PRRX2: variants seen among roughly 807,000 people sequenced by gnomAD.
PRRX2 encodes paired mesoderm homeobox protein 2.
In PRRX2, 11 loss-of-function variants were observed where a neutral mutation model predicts 18.0. The observed-to-expected ratio is 0.61, with a 90% CI of 0.39 to 1.01. PRRX2 has a LOEUF of 1.01. Ranked by LOEUF, PRRX2 falls within the 50% of genes least tolerant of loss-of-function variation. PRRX2 has a pLI of 0.01. For missense variants in PRRX2, 387 were observed against 351.0 expected (o/e 1.10, Z -0.82); for synonymous variants, 177 against 154.8 (o/e 1.14, Z -1.06).
intron 3 of PRRX2, 113 bp downstream of exon 3, chr9:129,720,887 GC>G: frequency 2.5e-6 from 3 of 1,221,498 alleles, no homozygotes; most frequent in Middle Eastern, 4.0e-4. Context: ...GTGTCCACGC[GC>G]CCCTGGGATC....
intron 1 of PRRX2, among the ~76,000 whole-genome samples, chr9:129,697,846 C>A (rs992385135): frequency 2.0e-5 from 3 of 152,030 alleles, no homozygotes; most frequent in South Asian, 2.1e-4. Context: ...AGTTTGTTTT[C>A]CTAAGTTTGT....
intron 1 of PRRX2, among the ~76,000 whole-genome samples, chr9:129,701,263 A>G (rs571867388): frequency 6.6e-6 from 1 of 152,358 alleles, no homozygotes; most frequent in Admixed American, 6.5e-5. Flanking sequence ...TGTCGCTCAC[A>G]GCGGGAAGCA....
chr9:129,722,276 C>T lies in PRRX2; in HGVS notation c.686C>T (p.Ala229Val). ...CCCGCAACCCCAGGGGTCAACATGG[C>T]CAACAGCATCGCCAGCCTCCGTCTC... ...SGPATPGVNM[A>V]NSIASLRLKA... The change falls in exon 4 of 4, where the codon GCC becomes GTC. Residue 229 changes from alanine to valine, a missense_variant. Coordinates refer to ENST00000372469, the MANE Select transcript of PRRX2 (RefSeq NM_016307.4). 1 of 1,614,024 alleles carries T rather than the reference C, an allele frequency of 6.2e-7. No homozygotes were observed. Among genetic ancestry groups the T allele is most frequent in the South Asian group, 1.1e-5 (1 of 91,082 alleles).
In PRRX2 at chr9:129,687,984, C is replaced by T. The variant is rs189500248; in HGVS notation, c.259+21858C>T. 1.9e-3 allele frequency among the ~76,000 whole-genome samples: 286 copies of T among 152,330 alleles called. 1 individual carries two copies. Among genetic ancestry groups the T allele is most frequent in the African/African-American group, 6.5e-3 (270 of 41,568 alleles). ...AATCACTGCTCACCGCAGCCTTGAC[C>T]TCCTGGGCTCAAGCGGTCCTCCTGC... is the stretch of plus-strand genomic sequence containing the variant. On this transcript the variant is annotated intron_variant, in intron 1 of 3. Coordinates refer to ENST00000372469, the MANE Select transcript of PRRX2 (RefSeq NM_016307.4).
Position 129,719,432 on chromosome 9 carries a change from C to T in PRRX2, c.447+14C>T. The T allele has an allele frequency of 2.0e-6, 3 of 1,498,278 alleles. No homozygotes were observed. The highest frequency in any genetic ancestry group is 2.7e-6 in the Non-Finnish European group (3 of 1,122,148). 92.8% of individuals were successfully genotyped at this position (1,498,278 alleles called of 1,614,324 possible). A position where few individuals can be genotyped will look rare whatever the true frequency, so the allele number is the denominator to read the frequency against. On this transcript the variant is annotated intron_variant, in intron 2 of 3. Coordinates refer to ENST00000372469, the MANE Select transcript of PRRX2 (RefSeq NM_016307.4). ...GCGCGCGTTCAGGTGAGCGCTCAGTCCCGGGCCTCCCGTGGGAGCGTGCGC... is the reference window on the plus strand; with the variant it reads ...GCGCGCGTTCAGGTGAGCGCTCAGTTCCGGGCCTCCCGTGGGAGCGTGCGC...
In PRRX2 at chr9:129,722,202, T is replaced by C. The variant is rs1832801712; in HGVS notation, c.627-15T>C. 5 of 1,611,106 alleles carry C rather than the reference T, an allele frequency of 3.1e-6. No homozygotes were observed. In the Admixed American group the frequency reaches 5.0e-5, roughly 16 times the overall value. The stretch of plus-strand genomic sequence containing the variant: ...CAACCGCACCCATGTGACCTGTGTC[T>C]CATGTCGCCCCCAGCACAGTGCCAC... On this transcript the variant is annotated splice_polypyrimidine_tract_variant and intron_variant, in intron 3 of 3. Transcript: ENST00000372469.
chr9:129,691,672 T>C (rs972000119), intron 1 of PRRX2, among the ~76,000 whole-genome samples: 16 of 149,250 alleles, frequency 1.1e-4, no homozygotes, highest in Non-Finnish European at 1.8e-4. Flanking sequence ...TTTTCCCTTT[T>C]TAAATATACT....
intron 1 of PRRX2, among the ~76,000 whole-genome samples, chr9:129,668,102 C>T (rs2119045789): frequency 6.6e-6 from 1 of 152,292 alleles, no homozygotes; most frequent in South Asian, 2.1e-4. Context: ...AGTCCCTGGG[C>T]TCCGCCCGGG....
rs1276837878 is a variant in PRRX2 at position 129,666,086 on chromosome 9, G to T, written c.219G>T (p.Pro73=). The T allele has an allele frequency of 1.1e-5, 11 of 1,035,432 alleles. No individual in the cohort carries two copies. In the East Asian group the frequency reaches 8.4e-4, roughly 79 times the overall value. 64.1% of individuals were successfully genotyped at this position (1,035,432 alleles called of 1,614,324 possible). ...CGCGGGAGGGCGCAGCACGGGAGCC[G>T]TCCGGGGGCAGCAGCGGCAGCGAGG... ...AEAREGAARE[P]SGGSSGSEAA... Residue 73 remains proline (P), a synonymous_variant, in exon 1 of 4, where the codon CCG becomes CCT. Transcript: ENST00000372469.
At chr9:129,721,423 C>A (rs1213835000) in intron 3 of PRRX2, among the ~76,000 whole-genome samples, 1 of 152,098 alleles carries the variant, frequency 6.6e-6, no homozygotes, top group South Asian at 2.1e-4. Flanking sequence ...GCCGTCTGCT[C>A]CTTGGGCTGT....
chr9:129,686,659 C>T (rs903274864), intron 1 of PRRX2, among the ~76,000 whole-genome samples: 5 of 152,200 alleles, frequency 3.3e-5, no homozygotes, highest in Non-Finnish European at 2.9e-5. Context: ...TTACAGGCTA[C>T]AGCCACCACA....
At chr9:129,687,518 A>G (rs535032508) in intron 1 of PRRX2, among the ~76,000 whole-genome samples, 1 of 152,160 alleles carries the variant, frequency 6.6e-6, no homozygotes, top group Non-Finnish European at 1.5e-5. Flanking sequence ...ACCGTCACTA[A>G]CTCAACTTGC....
chr9:129,696,379 A>G (rs1208744047), intron 1 of PRRX2, among the ~76,000 whole-genome samples: 1 of 152,204 alleles, frequency 6.6e-6, no homozygotes, highest in East Asian at 1.9e-4. Flanking sequence ...GTTAGGCACC[A>G]GCCTGGGCAA....
chr9:129,704,329 G>A (rs189846346), intron 1 of PRRX2, among the ~76,000 whole-genome samples: 252 of 152,338 alleles, frequency 1.7e-3, no homozygotes, highest in Non-Finnish European at 3.1e-3. Flanking sequence ...AGCCACCTGA[G>A]AGGGAGGGAG....
At chr9:129,670,413 T>C (rs1832085441) in intron 1 of PRRX2, among the ~76,000 whole-genome samples, 1 of 152,176 alleles carries the variant, frequency 6.6e-6, no homozygotes, top group African/African-American at 2.4e-5. Context: ...CTTGCTCCAT[T>C]GACCGGGTTG....
In PRRX2 at chr9:129,688,355, G is replaced by A. The variant is rs143765663; in HGVS notation, c.259+22229G>A. The stretch of plus-strand genomic sequence containing the variant: ...GCTGGGATTATAGGTGTGAGTCACC[G>A]TGCCCGGTCAAGAAATGGCTTTGAG... On this transcript the variant is annotated intron_variant, in intron 1 of 3. Coordinates refer to ENST00000372469, the MANE Select transcript of PRRX2 (RefSeq NM_016307.4). Among the ~76,000 whole-genome samples, 1,275 of 152,186 alleles carry A rather than the reference G, an allele frequency of 8.4e-3. 5 individuals are homozygous for A. The highest frequency in any genetic ancestry group is 0.02 in the Middle Eastern group (6 of 294).
At chr9:129,685,755 T>C (rs1440157423) in intron 1 of PRRX2, among the ~76,000 whole-genome samples, 4 of 152,230 alleles carry the variant, frequency 2.6e-5, no homozygotes, top group Non-Finnish European at 5.9e-5. Flanking sequence ...CCCAAAGACT[T>C]AAGGGCGTGG....
At chr9:129,703,782 GAGCA>G (rs1226313556) in intron 1 of PRRX2, among the ~76,000 whole-genome samples, 3 of 152,142 alleles carry the variant, frequency 2.0e-5, no homozygotes, top group Non-Finnish European at 2.9e-5. Context: ...GAGCTTTGCC[GAGCA>G]AGGCTCAGAC....
chr9:129,683,001 G>A (rs753411360), intron 1 of PRRX2, among the ~76,000 whole-genome samples: 6 of 152,032 alleles, frequency 3.9e-5, no homozygotes, highest in African/African-American at 4.8e-5. Flanking sequence ...CCAGCTACTC[G>A]GGAGGCTGAG....
Sources: allele counts gnomAD v4.1 joint callset (sites outside exome capture counted in the v4.1 genomes callset), GRCh38; gene constraint gnomAD v4.1.1; transcripts MANE v1.5; gene names NCBI Gene and HGNC (gene_info 2026-07-23, HGNC 2026-07-21).